SEM1: variants seen among roughly 807,000 people sequenced by gnomAD.
The protein encoded by SEM1 is SEM1 26S proteasome subunit, also known as 26S proteasome complex subunit SEM1.
Under a neutral mutation model 12.7 loss-of-function variants are expected in SEM1, and 3 were observed. The observed-to-expected ratio is 0.24, with a 90% CI of 0.11 to 0.61. The LOEUF (loss-of-function observed/expected upper bound fraction) is 0.61, where lower values mean the gene tolerates loss of function less well. Ranked by LOEUF, SEM1 falls within the 20% of genes least tolerant of loss-of-function variation. SEM1 has a pLI of 0.88. For synonymous variants in SEM1, 30 were observed against 27.8 expected (o/e 1.08, Z -0.25); for missense variants, 59 against 81.3 (o/e 0.73, Z 1.06).
intron 2 of SEM1, among the ~76,000 whole-genome samples, chr7:96,591,510 A>G (rs542209512): frequency 4.6e-5 from 7 of 152,328 alleles, no homozygotes; most frequent in African/African-American, 1.7e-4. Flanking sequence ...GGTTGCCTTA[A>G]CTGGAGTACT....
At chr7:96,610,478 A>C (rs770036825) in intron 2 of SEM1, among the ~76,000 whole-genome samples, 1 of 152,226 alleles carries the variant, frequency 6.6e-6, no homozygotes, top group Non-Finnish European at 1.5e-5. Flanking sequence ...ATAGACACCA[A>C]TGATACTCTA....
intron 2 of SEM1, among the ~76,000 whole-genome samples, chr7:96,519,123 A>G (rs1228624907): frequency 6.6e-6 from 1 of 152,142 alleles, no homozygotes; most frequent in Non-Finnish European, 1.5e-5. Flanking sequence ...CTAGATTTTT[A>G]TGCACTGGAA....
chr7:96,494,226 A>T (rs1462996320), intron 1 of SEM1, among the ~76,000 whole-genome samples: 2 of 152,196 alleles, frequency 1.3e-5, no homozygotes, highest in African/African-American at 4.8e-5. Flanking sequence ...TGAATTTTCA[A>T]GGCAAAATGC....
chr7:96,613,024 C>T (rs186845931), intron 2 of SEM1, among the ~76,000 whole-genome samples: 26 of 152,236 alleles, frequency 1.7e-4, no homozygotes, highest in Admixed American at 3.9e-4. Flanking sequence ...TCATCTGTAC[C>T]TGCAAACTAA....
Position 96,486,245 on chromosome 7 carries a change from ATC to A in SEM1, c.183_184del (p.Glu61AspfsTer44). 2.0e-6 allele frequency: 3 copies of A among 1,535,816 alleles called. No individual in the cohort carries two copies. Among genetic ancestry groups the A allele is most frequent in the Non-Finnish European group, 2.6e-6 (3 of 1,146,666 alleles). ...CTCTGTTGTCGCTCTGGAGTTGGGCATCTCCAAGTTTATCTGTTGCTTTGCAA... is the reference window on the plus strand; with the variant it reads ...CTCTGTTGTCGCTCTGGAGTTGGGCATCCAAGTTTATCTGTTGCTTTGCAA... On this transcript the variant is annotated frameshift_variant, in exon 2 of 4. Transcript: ENST00000356686. LOFTEE classifies it high-confidence loss of function.
chr7:96,514,148 A>G lies in SEM1; in HGVS notation c.171-7450T>C, dbSNP rs540298833. Among the ~76,000 whole-genome samples, 5 of 152,302 alleles carry G rather than the reference A, an allele frequency of 3.3e-5. No individual in the cohort carries two copies. The South Asian group carries it at 1.0e-3, about 32-fold the overall frequency. On this transcript the variant is annotated intron_variant and NMD_transcript_variant, in intron 2 of 3. Coordinates refer to the SEM1 transcript ENST00000466986. ...TTCTGAGAGTATTGCTCTAAGAAAG[A>G]TTATAGAAGTGGAATTACTAAGTCA...
chr7:96,697,704 T>C (rs533427308), intron 1 of SEM1, among the ~76,000 whole-genome samples: 2 of 151,918 alleles, frequency 1.3e-5, no homozygotes, highest in Admixed American at 1.3e-4. Flanking sequence ...AAAAGAAAAA[T>C]ACTAAATTGA....
At chr7:96,690,099 T>C (rs1789884015) in intron 2 of SEM1, among the ~76,000 whole-genome samples, 1 of 152,228 alleles carries the variant, frequency 6.6e-6, no homozygotes, top group South Asian at 2.1e-4. Flanking sequence ...ACAAAAACTC[T>C]TGCTGCCAAT....
chr7:96,641,127 TA>T (rs1808577965), intron 2 of SEM1, among the ~76,000 whole-genome samples: 1 of 150,926 alleles, frequency 6.6e-6, no homozygotes, highest in Non-Finnish European at 1.5e-5. Context: ...TTTCTTTCCT[TA>T]AAAATAGGGA....
chr7:96,673,985 C>G (rs899581343), intron 2 of SEM1: 2 of 634,126 alleles, frequency 3.2e-6, no homozygotes, highest in African/African-American at 3.6e-5. Context: ...CCAGTCCCAT[C>G]CCCATCTCTA....
chr7:96,509,097 G>A (rs1280983508), intron 2 of SEM1, among the ~76,000 whole-genome samples: 1 of 147,744 alleles, frequency 6.8e-6, no homozygotes, highest in Non-Finnish European at 1.5e-5. Context: ...AGTGATTCTC[G>A]TGCCTCAGCC....
intron 2 of SEM1, among the ~76,000 whole-genome samples, chr7:96,627,090 T>G (rs1808095232): frequency 6.6e-6 from 1 of 152,116 alleles, no homozygotes; most frequent in South Asian, 2.1e-4. Context: ...TCCTGTGAAT[T>G]TCTGCAGTAT....
intron 2 of SEM1, among the ~76,000 whole-genome samples, chr7:96,631,946 T>A (rs991065379): frequency 5.9e-5 from 9 of 152,102 alleles, no homozygotes; most frequent in African/African-American, 2.2e-4. Context: ...AACGGACATA[T>A]GAAAAAATGC....
At chr7:96,482,688 C>A (rs1038399790) in exon 4 of SEM1, 2 of 152,132 alleles carry the variant, frequency 1.3e-5, no homozygotes, top group African/African-American at 4.8e-5. Flanking sequence ...GTCATGGAGG[C>A]TTATACCATC....
chr7:96,550,776 G>A (rs1805244129), intron 2 of SEM1, among the ~76,000 whole-genome samples: 1 of 152,166 alleles, frequency 6.6e-6, no homozygotes, highest in Admixed American at 6.5e-5. Flanking sequence ...CTCTGCTTTT[G>A]TACAGCAGTC....
intron 2 of SEM1, among the ~76,000 whole-genome samples, chr7:96,528,252 G>T (rs753663912): frequency 3.9e-5 from 6 of 152,078 alleles, no homozygotes; most frequent in Non-Finnish European, 8.8e-5. Context: ...GGAGTACAGT[G>T]GCGTGATCTC....
At position 96,486,401 on chromosome 7, in the gene SEM1, G is replaced by A. The variant is rs1802769845; in HGVS notation, c.29C>T (p.Ala10Val). The change falls in exon 2 of 4, where the codon GCT becomes GTT. Residue 10 changes from alanine to valine, a missense_variant. Transcript: ENST00000356686. ...TTTTCCTCCTTGTACAGCAAACACA[G>A]CACAAATGTTGGAGTCCTATAAGGG... The A allele has an allele frequency of 3.9e-6, 6 of 1,536,830 alleles. No homozygotes were observed. The East Asian group carries it at 1.2e-4, about 31-fold the overall frequency.
chr7:96,705,098 C>A (rs1790406109), intron 1 of SEM1, among the ~76,000 whole-genome samples: 1 of 152,082 alleles, frequency 6.6e-6, no homozygotes, highest in South Asian at 2.1e-4. Flanking sequence ...AGAATGCTGG[C>A]AGCATTAGGG....
chr7:96,533,338 C>T (rs907407950), intron 2 of SEM1, among the ~76,000 whole-genome samples: 1 of 151,996 alleles, frequency 6.6e-6, no homozygotes, highest in African/African-American at 2.4e-5. Flanking sequence ...CTCCTCCCAC[C>T]GTCTCCATCA....
Sources: allele counts gnomAD v4.1 joint callset (sites outside exome capture counted in the v4.1 genomes callset), GRCh38; gene constraint gnomAD v4.1.1; transcripts MANE v1.5; gene names NCBI Gene and HGNC (gene_info 2026-07-23, HGNC 2026-07-21).